The following PXK variants were observed in gnomAD, a reference collection of about 807,000 sequenced individuals.
PXK encodes PX domain containing serine/threonine kinase like, also known as PX domain-containing protein kinase-like protein.
In PXK, 35 loss-of-function variants were observed where a neutral mutation model predicts 84.7. That is an observed-to-expected ratio of 0.41 (90% CI 0.32 to 0.55). PXK has a LOEUF of 0.55. Among genes scored for constraint, PXK ranks in the 20% least tolerant of loss-of-function variants. The pLI is 0.21. For synonymous variants in PXK, 253 were observed against 260.8 expected (o/e 0.97, Z 0.29); for missense variants, 634 against 699.7 (o/e 0.91, Z 1.06).
rs767184374 is a variant in PXK at position 58,411,667 on chromosome 3, G to T, written c.1466-1234G>T. Among the ~76,000 whole-genome samples the T allele has an allele frequency of 7.9e-5, 12 of 152,116 alleles. No homozygotes were observed. Among genetic ancestry groups the T allele is most frequent in the Non-Finnish European group, 1.8e-4 (12 of 68,014 alleles). ...AGCTGTGTCACATGAAGCCAGGTAG[G>T]ACTCAAGGACTTCAGGATACCCCAG... On this transcript the variant is annotated intron_variant, in intron 16 of 17. Transcript: ENST00000356151. This position sits in a 1 kb window ranked among gnomAD's most constrained non-coding sequence, Gnocchi z 4.2.
intron 13 of PXK, 63 bp downstream of exon 13, chr3:58,403,973 G>A: frequency 8.3e-7 from 1 of 1,204,856 alleles, no homozygotes; most frequent in South Asian, 2.2e-5. Context: ...AAAGTTAGCT[G>A]TATTTTTAGC....
rs955088402 is a variant in PXK, at chr3:58,422,745, C to T, written c.1529-2007C>T. ...CAAGATGGCAGCCCCTACCCCTCAG[C>T]CCAGCCCTGAGGCCCGTCTCCAGCC... On this transcript the variant is annotated intron_variant, in intron 17 of 17. Coordinates refer to ENST00000356151, the MANE Select transcript of PXK (RefSeq NM_017771.5). 4 of 985,288 alleles carry T rather than the reference C, an allele frequency of 4.1e-6. No homozygotes were observed. The African/African-American group carries it at 5.2e-5, about 13-fold the overall frequency. The allele number at this position is 985,288 out of a possible 1,614,324, so 61.0% of individuals were successfully genotyped here. A position where few individuals can be genotyped will look rare whatever the true frequency, so the allele number is the denominator to read the frequency against.
rs2059906051 is a variant in PXK at position 58,409,674 on chromosome 3, A to T, written c.1395+56A>T. Reference sequence around the variant, plus strand: ...ATGAGTTCTTGAGTACATGTGAAGAAAGTTCTAGGTTAATGGTGCCCATTT... The same window carrying T: ...ATGAGTTCTTGAGTACATGTGAAGATAGTTCTAGGTTAATGGTGCCCATTT... On this transcript the variant is annotated intron_variant, in intron 15 of 17. Transcript: ENST00000356151. The surrounding 1 kb of genome is among the most constrained non-coding windows in gnomAD (Gnocchi z 4.2). 7.1e-7 allele frequency: 1 copy of T among 1,414,086 alleles called. No homozygotes were observed. The highest frequency in any genetic ancestry group is 2.4e-5 in the East Asian group (1 of 42,094). The allele number at this position is 1,414,086 out of a possible 1,614,324, so 87.6% of individuals were successfully genotyped here.
At chr3:58,403,981 A>T in intron 13 of PXK, 71 bp downstream of exon 13, 1 of 1,116,174 alleles carries the variant, frequency 9.0e-7, no homozygotes, top group Non-Finnish European at 1.2e-6. Context: ...CTGTATTTTT[A>T]GCCAAAAAAA....
rs1426828790 is a variant in PXK at position 58,397,867 on chromosome 3, T to G, written c.1102+145T>G. 13 of 644,842 alleles carry G rather than the reference T, an allele frequency of 2.0e-5. 1 individual carries two copies. In the East Asian group the frequency reaches 3.4e-4, roughly 17 times the overall value. The allele number at this position is 644,842 out of a possible 1,614,324, so 39.9% of individuals were successfully genotyped here. On this transcript the variant is annotated intron_variant, in intron 11 of 17. Coordinates refer to ENST00000356151, the MANE Select transcript of PXK (RefSeq NM_017771.5). The surrounding 1 kb of genome is among the most constrained non-coding windows in gnomAD (Gnocchi z 4.7). ...TACAAAATTTAAAAGTAGACCAAAT[T>G]TGAGTAGTTTACTTAAATACACTTC... is the stretch of plus-strand genomic sequence containing the variant.
At chr3:58,396,922 C>T (rs2057764541) in intron 9 of PXK, 117 bp from the exon 10 acceptor site, 4 of 1,106,528 alleles carry the variant, frequency 3.6e-6, no homozygotes, top group Non-Finnish European at 5.1e-6. Flanking sequence ...CTTCAGGAAT[C>T]TTCTCAGTGA....
At chr3:58,423,418 G>A in intron 17 of PXK, 1 of 1,520,610 alleles carries the variant, frequency 6.6e-7, no homozygotes, top group Non-Finnish European at 8.8e-7. Flanking sequence ...TTCCAAGATT[G>A]CAGAGCATGA....
At chr3:58,413,231 T>C (rs953423426) in intron 17 of PXK, 9 of 525,220 alleles carry the variant, frequency 1.7e-5, no homozygotes, top group African/African-American at 9.6e-5. Flanking sequence ...AAAAGCTTCA[T>C]GCAGAGCTTC....
intron 3 of PXK, among the ~76,000 whole-genome samples, chr3:58,380,434 TAAAA>T (rs59756369): frequency 7.7e-5 from 11 of 142,470 alleles, no homozygotes; most frequent in African/African-American, 2.8e-4. Context: ...CCCTATCTCT[TAAAA>T]AAAAAAAAAA....
chr3:58,403,482 T>C (rs1463735680), intron 12 of PXK, among the ~76,000 whole-genome samples: 1 of 152,234 alleles, frequency 6.6e-6, no homozygotes, highest in Non-Finnish European at 1.5e-5. Context: ...TTTTATCCTC[T>C]TCTGAGGCAA....
rs977102837 is a variant in PXK, at chr3:58,353,188, A to G, written c.103-12686A>G. Among the ~76,000 whole-genome samples the G allele has an allele frequency of 1.8e-4, 28 of 152,112 alleles. No individual in the cohort carries two copies. The East Asian group carries it at 3.5e-3, about 19-fold the overall frequency. ...ATTTTTTGTATTTTTTAGTAGAGAC[A>G]GGGTTTCACCGTGTTAGCCAGAATG... On this transcript the variant is annotated intron_variant, in intron 1 of 17. Coordinates refer to ENST00000356151, the MANE Select transcript of PXK (RefSeq NM_017771.5).
intron 1 of PXK, among the ~76,000 whole-genome samples, chr3:58,362,636 G>GTTTATGCCTCCACC (rs2098207216): frequency 6.6e-6 from 1 of 152,108 alleles, no homozygotes; most frequent in African/African-American, 2.4e-5. Flanking sequence ...TGACGTATAT[G>GTTTATGCCTCCACC]TTTATGCCTC....
At position 58,333,760 on chromosome 3, in the gene PXK, C is replaced by T. The variant is rs1299218580; in HGVS notation, c.102+670C>T. 2 of 403,442 alleles carry T rather than the reference C, an allele frequency of 5.0e-6. No homozygotes were observed. Among genetic ancestry groups the T allele is most frequent in the African/African-American group, 4.1e-5 (2 of 48,766 alleles). The allele number at this position is 403,442 out of a possible 1,614,324, so 25.0% of individuals were successfully genotyped here. A position where few individuals can be genotyped will look rare whatever the true frequency, so the allele number is the denominator to read the frequency against. On this transcript the variant is annotated intron_variant, in intron 1 of 17. Coordinates refer to ENST00000356151, the MANE Select transcript of PXK (RefSeq NM_017771.5). This position sits in a 1 kb window ranked among gnomAD's most constrained non-coding sequence, Gnocchi z 5.4. ...CATTCATTTGAGTTTAAAATCCACTCGAGTAGCATAAAGGAGTAATAGGTC... is the reference window on the plus strand; with the variant it reads ...CATTCATTTGAGTTTAAAATCCACTTGAGTAGCATAAAGGAGTAATAGGTC...
chr3:58,394,826 A>T (rs535542323), intron 7 of PXK, among the ~76,000 whole-genome samples, 172 bp from the exon 8 acceptor site: 11 of 152,274 alleles, frequency 7.2e-5, no homozygotes, highest in African/African-American at 2.4e-4. Context: ...AAGAAGGAGG[A>T]ACTAGCTGGT....
chr3:58,333,670 C>G lies in PXK; in HGVS notation c.102+580C>G, dbSNP rs1051397453. 2.2e-6 allele frequency: 1 copy of G among 456,388 alleles called. No individual in the cohort carries two copies. The highest frequency in any genetic ancestry group is 1.5e-5 in the South Asian group (1 of 64,536). 28.3% of individuals were successfully genotyped at this position (456,388 alleles called of 1,614,324 possible). Reference sequence around the variant, plus strand: ...CCCGGGAAGTGGTGGGGGCGGCAGTCGGGGCGCTGTTAAGCAGGTGTATGA... The same window carrying G: ...CCCGGGAAGTGGTGGGGGCGGCAGTGGGGGCGCTGTTAAGCAGGTGTATGA... On this transcript the variant is annotated intron_variant, in intron 1 of 17. Coordinates refer to ENST00000356151, the MANE Select transcript of PXK (RefSeq NM_017771.5). This position sits in a 1 kb window ranked among gnomAD's most constrained non-coding sequence, Gnocchi z 5.4.
At chr3:58,396,501 T>C (rs2057701769) in intron 9 of PXK, among the ~76,000 whole-genome samples, 1 of 152,192 alleles carries the variant, frequency 6.6e-6, no homozygotes. Context: ...TCTTACTGGG[T>C]AAGCCACTGA....
At chr3:58,356,164 C>T (rs2098075428) in intron 1 of PXK, among the ~76,000 whole-genome samples, 1 of 152,146 alleles carries the variant, frequency 6.6e-6, no homozygotes, top group African/African-American at 2.4e-5. Flanking sequence ...CAGCACCAGA[C>T]CTCAGTGATT....
At position 58,421,404 on chromosome 3, in the gene PXK, A is replaced by G; in HGVS notation, c.1529-3348A>G. 5 of 862,326 alleles carry G rather than the reference A, an allele frequency of 5.8e-6. No individual in the cohort carries two copies. Among genetic ancestry groups the G allele is most frequent in the Non-Finnish European group, 7.0e-6 (5 of 717,984 alleles). The allele number at this position is 862,326 out of a possible 1,614,324, so 53.4% of individuals were successfully genotyped here. A position where few individuals can be genotyped will look rare whatever the true frequency, so the allele number is the denominator to read the frequency against. The stretch of plus-strand genomic sequence containing the variant: ...AAGACCAACCTGGCCAACATGGTGA[A>G]ACCCCATCTGTACTAAAAATACAAA... On this transcript the variant is annotated intron_variant, in intron 17 of 17. Transcript: ENST00000356151. The surrounding 1 kb of genome is among the most constrained non-coding windows in gnomAD (Gnocchi z 5.5).
intron 1 of PXK, among the ~76,000 whole-genome samples, chr3:58,338,201 C>T (rs546137956): frequency 6.6e-6 from 1 of 151,670 alleles, no homozygotes; most frequent in South Asian, 2.1e-4. Context: ...ATTAGCTGGG[C>T]GTGGTGGCAC....
Sources: allele counts gnomAD v4.1 joint callset (sites outside exome capture counted in the v4.1 genomes callset), GRCh38; gene constraint gnomAD v4.1.1; non-coding constraint Gnocchi (gnomAD v3.1); transcripts MANE v1.5; gene names NCBI Gene and HGNC (gene_info 2026-07-23, HGNC 2026-07-21).